SLC14A2: variants seen among roughly 807,000 people sequenced by gnomAD.
SLC14A2 encodes solute carrier family 14 member 2, also known as urea transporter 2.
SLC14A2 carries 91 observed loss-of-function variants against 104.6 expected under a neutral mutation model. The observed-to-expected ratio is 0.87, with a 90% CI of 0.73 to 1.04. The LOEUF (loss-of-function observed/expected upper bound fraction) is 1.04. Ranked by LOEUF, SLC14A2 falls within the 50% of genes least tolerant of loss-of-function variation. The probability of loss-of-function intolerance (pLI) is 0.00; values close to 1 mark genes in which losing one functional copy is unlikely to be tolerated. For missense variants in SLC14A2, 1,189 were observed against 1,156.0 expected (o/e 1.03, Z -0.41); for synonymous variants, 476 against 466.4 (o/e 1.02, Z -0.27).
At chr18:45,592,029 T>G (rs2044654210) in intron 2 of SLC14A2, among the ~76,000 whole-genome samples, 1 of 152,088 alleles carries the variant, frequency 6.6e-6, no homozygotes, top group Non-Finnish European at 1.5e-5. Flanking sequence ...GTCCAATACC[T>G]CTATACCCAT....
intron 2 of SLC14A2, among the ~76,000 whole-genome samples, chr18:45,514,775 A>G (rs1211776322): frequency 6.6e-6 from 1 of 152,244 alleles, no homozygotes; most frequent in Non-Finnish European, 1.5e-5. Context: ...CGAAACGTAG[A>G]TGGGGAAACA....
At chr18:45,275,835 G>A (rs1361396172) in intron 1 of SLC14A2, among the ~76,000 whole-genome samples, 1 of 152,148 alleles carries the variant, frequency 6.6e-6, no homozygotes, top group Non-Finnish European at 1.5e-5. Flanking sequence ...ATTTCAATGA[G>A]GGAGATAGAT....
intron 1 of SLC14A2, among the ~76,000 whole-genome samples, chr18:45,472,084 G>T (rs1452181880): frequency 7.2e-5 from 11 of 151,960 alleles, no homozygotes; most frequent in Non-Finnish European, 8.8e-5. Context: ...GTGTCCATGT[G>T]TTCTCGTTGT....
intron 1 of SLC14A2, among the ~76,000 whole-genome samples, chr18:45,463,028 C>T (rs1386576420): frequency 6.6e-6 from 1 of 152,144 alleles, no homozygotes; most frequent in Admixed American, 6.5e-5. Flanking sequence ...TTATAATGTG[C>T]TCTGATACAG....
At chr18:45,374,577 A>T (rs533850273) in intron 1 of SLC14A2, among the ~76,000 whole-genome samples, 65 of 152,056 alleles carry the variant, frequency 4.3e-4, no homozygotes, top group African/African-American at 1.5e-3. Context: ...GGAGTCAGAA[A>T]TCCAGAGAGG....
intron 2 of SLC14A2, among the ~76,000 whole-genome samples, chr18:45,485,947 A>T (rs1848704333): frequency 6.6e-6 from 1 of 151,734 alleles, no homozygotes; most frequent in South Asian, 2.1e-4. Context: ...TTTAATTTAG[A>T]CTCCAAGGAA....
intron 2 of SLC14A2, among the ~76,000 whole-genome samples, chr18:45,527,394 A>C (rs1215537944): frequency 6.6e-6 from 1 of 152,172 alleles, no homozygotes; most frequent in Non-Finnish European, 1.5e-5. Context: ...TAGATGTCTC[A>C]TTTATTATAG....
rs143695840 is a variant in SLC14A2 at position 45,565,202 on chromosome 18, G to T, written c.-34-59429G>T. Among the ~76,000 whole-genome samples, 8 of 150,996 alleles carry T rather than the reference G, an allele frequency of 5.3e-5. No homozygotes were observed. In the East Asian group the frequency reaches 1.6e-3, roughly 29 times the overall value. On this transcript the variant is annotated intron_variant, in intron 2 of 20. Transcript: ENST00000586448. ...GGCAGTGGCATGATCTTGGCTCACT[G>T]CAAGCTCCGCCTCCCGGGTTCACAC...
chr18:45,573,684 G>A (rs544214169), intron 2 of SLC14A2, among the ~76,000 whole-genome samples: 32 of 152,308 alleles, frequency 2.1e-4, no homozygotes, highest in South Asian at 1.2e-3. Context: ...GATGTGGCTT[G>A]GCAGCAAATC....
intron 1 of SLC14A2, among the ~76,000 whole-genome samples, chr18:45,369,988 A>G (rs1305529796): frequency 6.6e-6 from 1 of 152,006 alleles, no homozygotes; most frequent in African/African-American, 2.4e-5. Context: ...CCTTTATGAA[A>G]CTCTATGGAC....
chr18:45,424,735 G>C (rs1339482272), intron 1 of SLC14A2, among the ~76,000 whole-genome samples: 2 of 152,168 alleles, frequency 1.3e-5, no homozygotes, highest in Non-Finnish European at 2.9e-5. Context: ...GACTTTTCAA[G>C]ATTTATCGTT....
At chr18:45,538,295 C>T (rs189364799) in intron 2 of SLC14A2, among the ~76,000 whole-genome samples, 23 of 152,330 alleles carry the variant, frequency 1.5e-4, no homozygotes, top group Admixed American at 1.5e-3. Context: ...GTTCCCCTTG[C>T]CCCCATGGTG....
rs190217193 is a variant in SLC14A2 at position 45,621,204 on chromosome 18, C to G, written c.-34-3427C>G. ...GAGAGGAACAGGTTCTGGGGCTTGT[C>G]GGATTTCACTGTCTCCTAAACCTTT... On this transcript the variant is annotated intron_variant, in intron 1 of 19. Transcript: ENST00000255226. 8.1e-4 allele frequency among the ~76,000 whole-genome samples: 124 copies of G among 152,316 alleles called. 1 individual carries two copies. Among genetic ancestry groups the G allele is most frequent in the African/African-American group, 2.9e-3 (120 of 41,566 alleles).
At chr18:45,391,665 T>C in intron 1 of SLC14A2, among the ~76,000 whole-genome samples, 1 of 152,272 alleles carries the variant, frequency 6.6e-6, no homozygotes, top group Non-Finnish European at 1.5e-5. Flanking sequence ...TTTGCATCTC[T>C]CTGATGGCCA....
chr18:45,657,982 T>C (rs2045870069), intron 10 of SLC14A2, among the ~76,000 whole-genome samples: 1 of 152,302 alleles, frequency 6.6e-6, no homozygotes, highest in Non-Finnish European at 1.5e-5. Context: ...TGGAGAAACA[T>C]TGTCCAAACT....
chr18:45,221,712 G>A (rs2084063961), intron 1 of SLC14A2, among the ~76,000 whole-genome samples: 1 of 152,104 alleles, frequency 6.6e-6, no homozygotes, highest in Non-Finnish European at 1.5e-5. Flanking sequence ...CCTGAATAGG[G>A]ATCTCATGTA....
intron 2 of SLC14A2, among the ~76,000 whole-genome samples, chr18:45,561,841 C>A (rs2044204521): frequency 6.6e-6 from 1 of 152,154 alleles, no homozygotes; most frequent in African/African-American, 2.4e-5. Flanking sequence ...TAACATTATT[C>A]TGCAACTTGT....
chr18:45,324,961 C>T (rs1364401013), intron 1 of SLC14A2, among the ~76,000 whole-genome samples: 5 of 152,150 alleles, frequency 3.3e-5, no homozygotes, highest in Non-Finnish European at 2.9e-5. Flanking sequence ...TTTCACTCCT[C>T]CCTGATGCAT....
intron 1 of SLC14A2, among the ~76,000 whole-genome samples, chr18:45,411,022 C>T (rs2086209430): frequency 6.6e-6 from 1 of 152,178 alleles, no homozygotes; most frequent in South Asian, 2.1e-4. Flanking sequence ...ATACTTTAAA[C>T]AGAAACACAC....
Sources: allele counts gnomAD v4.1 joint callset (sites outside exome capture counted in the v4.1 genomes callset), GRCh38; gene constraint gnomAD v4.1.1; transcripts MANE v1.5; gene names NCBI Gene and HGNC (gene_info 2026-07-23, HGNC 2026-07-21).